Variants in ZFHX3 observed in about 807,000 individuals in gnomAD.
ZFHX3 encodes zinc finger homeobox 3.
In ZFHX3, 42 loss-of-function variants were observed where a neutral mutation model predicts 279.1. The ratio of observed to expected loss-of-function variants is 0.15; its 90% CI spans 0.12 to 0.19. ZFHX3 has a LOEUF of 0.19. Ranked by LOEUF, ZFHX3 falls within the 10% of genes least tolerant of loss-of-function variation. The probability of loss-of-function intolerance (pLI) is 1.00; values close to 1 mark genes in which losing one functional copy is unlikely to be tolerated. For synonymous variants in ZFHX3, 2,293 were observed against 1,957.8 expected (o/e 1.17, Z -4.52); for missense variants, 4,981 against 4,754.0 (o/e 1.05, Z -1.40).
At chr16:72,934,861 G>C (rs1018164220) in intron 3 of ZFHX3, among the ~76,000 whole-genome samples, 5 of 152,186 alleles carry the variant, frequency 3.3e-5, no homozygotes, top group African/African-American at 1.2e-4. Flanking sequence ...AGCCAGGCAG[G>C]CGTAGTTTTT....
At chr16:73,632,870 A>T (rs943812057) in intron 2 of ZFHX3, among the ~76,000 whole-genome samples, 11 of 152,156 alleles carry the variant, frequency 7.2e-5, no homozygotes, top group African/African-American at 2.4e-4. Flanking sequence ...AGGTCAGGAG[A>T]TAGAGACCAT....
intron 1 of ZFHX3, among the ~76,000 whole-genome samples, chr16:73,872,793 T>C (rs1200084036): frequency 1.3e-4 from 2 of 15,438 alleles, no homozygotes; most frequent in Non-Finnish European, 1.1e-4. Context: ...TGGGTGGCGG[T>C]GGATGGTGGT....
intron 4 of ZFHX3, among the ~76,000 whole-genome samples, chr16:72,834,103 T>C (rs1026021349): frequency 1.3e-5 from 2 of 152,032 alleles, no homozygotes; most frequent in Non-Finnish European, 2.9e-5. Flanking sequence ...AAAAATTAGC[T>C]GGGTGTGATG....
chr16:73,548,113 T>C lies in ZFHX3; in HGVS notation c.-1546-91855A>G, dbSNP rs2020150309. On this transcript the variant is annotated intron_variant, in intron 2 of 17. Coordinates refer to the ZFHX3 transcript ENST00000641206. The stretch of plus-strand genomic sequence containing the variant: ...TGTTTAGCTCCATCCCTCCTTGATT[T>C]TTCTGCCTTTGCAGACTGATAATTT... Among the ~76,000 whole-genome samples, 6 of 152,222 alleles carry C rather than the reference T, an allele frequency of 3.9e-5. No individual in the cohort carries two copies. The South Asian group carries it at 1.2e-3, about 32-fold the overall frequency.
At position 72,797,823 on chromosome 16, in the gene ZFHX3, T is replaced by G. The variant is rs1254191528; in HGVS notation, c.4859A>C (p.His1620Pro). The change falls in exon 9 of 10, where the codon CAT becomes CCT. Residue 1620 changes from histidine to proline, a missense_variant. His to Pro is a moderately conservative substitution (Grantham distance 77, BLOSUM62 -2). Coordinates refer to ENST00000268489, the MANE Select transcript of ZFHX3 (RefSeq NM_006885.4). ...TLEIHMRSVL[H>P]QTKARAAKLE... ...CTTGGCTGCCCGGGCCTTGGTTTGA[T>G]GTAACACAGACCTCATATGGATCTC... 1 of 1,614,038 alleles carries G rather than the reference T, an allele frequency of 6.2e-7. No homozygotes were observed. The highest frequency in any genetic ancestry group is 8.5e-7 in the Non-Finnish European group (1 of 1,180,052).
chr16:73,071,356 C>G (rs369580274), intron 8 of ZFHX3, among the ~76,000 whole-genome samples: 1 of 152,114 alleles, frequency 6.6e-6, no homozygotes, highest in African/African-American at 2.4e-5. Flanking sequence ...GACCAGGCTC[C>G]CCTGCCTTCC....
chr16:73,534,703 T>C (rs2019863238), intron 2 of ZFHX3, among the ~76,000 whole-genome samples: 1 of 152,200 alleles, frequency 6.6e-6, no homozygotes, highest in Non-Finnish European at 1.5e-5. Context: ...GCACAATAAA[T>C]GTTAGCTGCC....
At chr16:73,612,300 T>G (rs577256512) in intron 2 of ZFHX3, among the ~76,000 whole-genome samples, 1 of 152,146 alleles carries the variant, frequency 6.6e-6, no homozygotes, top group Non-Finnish European at 1.5e-5. Context: ...TGAAACCTCA[T>G]GAGGCAAGCT....
At chr16:73,741,720 C>G (rs929355183) in intron 1 of ZFHX3, among the ~76,000 whole-genome samples, 1 of 152,098 alleles carries the variant, frequency 6.6e-6, no homozygotes, top group Non-Finnish European at 1.5e-5. Flanking sequence ...CTTTTATATC[C>G]TTTTTTATTC....
At chr16:73,466,561 A>G (rs1166614529) in intron 2 of ZFHX3, among the ~76,000 whole-genome samples, 1 of 152,166 alleles carries the variant, frequency 6.6e-6, no homozygotes, top group Middle Eastern at 3.2e-3. Context: ...TTAGTTACTT[A>G]ATTTCTCTAT....
At chr16:73,107,249 G>A (rs181879852) in intron 7 of ZFHX3, among the ~76,000 whole-genome samples, 59 of 152,202 alleles carry the variant, frequency 3.9e-4, no homozygotes, top group African/African-American at 1.4e-3. Context: ...GGCAGAGGTT[G>A]CAGTGTGCCA....
At chr16:73,874,144 A>G (rs2029885237) in intron 1 of ZFHX3, among the ~76,000 whole-genome samples, 1 of 152,144 alleles carries the variant, frequency 6.6e-6, no homozygotes, top group African/African-American at 2.4e-5. Context: ...GTGTGTGCCT[A>G]TCATTTTTAA....
At chr16:73,566,684 C>T (rs1486139159) in intron 2 of ZFHX3, among the ~76,000 whole-genome samples, 1 of 143,928 alleles carries the variant, frequency 6.9e-6, no homozygotes, top group African/African-American at 2.7e-5. Flanking sequence ...TCACACCAAG[C>T]TAACTTTTTT....
chr16:72,929,681 G>A lies in ZFHX3; in HGVS notation c.3216+20788C>T, dbSNP rs558436623. On this transcript the variant is annotated intron_variant, in intron 3 of 9. Transcript: ENST00000268489. Reference sequence around the variant, plus strand: ...GGCTGCGACAGGGCCCTCCACGCAAGCTGGCTGTACATAAACAGTAACACC... The same window carrying A: ...GGCTGCGACAGGGCCCTCCACGCAAACTGGCTGTACATAAACAGTAACACC... Among the ~76,000 whole-genome samples, 2 of 152,328 alleles carry A rather than the reference G, an allele frequency of 1.3e-5. 1 individual carries two copies. Among genetic ancestry groups the A allele is most frequent in the Admixed American group, 1.3e-4 (2 of 15,304 alleles).
At chr16:73,213,897 G>T (rs1277427296) in intron 5 of ZFHX3, among the ~76,000 whole-genome samples, 1 of 152,096 alleles carries the variant, frequency 6.6e-6, no homozygotes, top group African/African-American at 2.4e-5. Context: ...TCCATAAGCT[G>T]CTTTGGTCTT....
At chr16:73,093,564 G>A (rs765987640) in exon 8 of ZFHX3, 6 of 512,464 alleles carry the variant, frequency 1.2e-5, no homozygotes, top group Admixed American at 7.9e-5. Context: ...GCCATTTCTC[G>A]GCCTTGTCTT....
At chr16:73,761,619 C>T (rs764182904) in intron 1 of ZFHX3, among the ~76,000 whole-genome samples, 14 of 152,084 alleles carry the variant, frequency 9.2e-5, no homozygotes, top group Non-Finnish European at 1.9e-4. Flanking sequence ...CAGCATAATA[C>T]CAGTACAAAA....
intron 3 of ZFHX3, among the ~76,000 whole-genome samples, chr16:72,940,531 G>A (rs1316180618): frequency 6.6e-6 from 1 of 152,124 alleles, no homozygotes; most frequent in African/African-American, 2.4e-5. Context: ...TGTGACACGT[G>A]CCACCAAGAA....
At chr16:73,758,160 T>C (rs1387576130) in intron 1 of ZFHX3, among the ~76,000 whole-genome samples, 1 of 152,162 alleles carries the variant, frequency 6.6e-6, no homozygotes, top group Admixed American at 6.6e-5. Context: ...CCATTCCACC[T>C]TTGCACAGCC....
Sources: allele counts gnomAD v4.1 joint callset (sites outside exome capture counted in the v4.1 genomes callset), GRCh38; gene constraint gnomAD v4.1.1; transcripts MANE v1.5; gene names NCBI Gene and HGNC (gene_info 2026-07-23, HGNC 2026-07-21).